ZBTB49: variants seen among roughly 807,000 people sequenced by gnomAD.
ZBTB49 encodes the protein zinc finger and BTB domain-containing protein 49.
A neutral mutation model predicts 57.5 loss-of-function variants in ZBTB49; 43 were observed. The observed-to-expected ratio is 0.75, with a 90% CI of 0.59 to 0.97. ZBTB49 has a LOEUF of 0.97. ZBTB49 is among the 50% of genes least tolerant of loss of function. The pLI is 0.00. For synonymous variants in ZBTB49, 369 were observed against 362.1 expected (o/e 1.02, Z -0.22); for missense variants, 938 against 947.7 (o/e 0.99, Z 0.13).
intron 1 of ZBTB49, among the ~76,000 whole-genome samples, chr4:4,294,872 C>CGTGTGTGTGTGTGTGTGT (rs10626183): frequency 1.2e-4 from 17 of 138,010 alleles, no homozygotes; most frequent in Non-Finnish European, 1.7e-4. Flanking sequence ...AGGAGGGTTT[C>CGTGTGTGTGTGTGTGTGT]GTGTGTGTGT....
In ZBTB49 at chr4:4,290,253, T is replaced by C. The variant is rs1267234723; in HGVS notation, c.-119T>C. 6.6e-6 allele frequency: 1 copy of C among 151,822 alleles called. No homozygotes were observed. Among genetic ancestry groups the C allele is most frequent in the Non-Finnish European group, 1.5e-5 (1 of 68,094 alleles). The allele number at this position is 151,822 out of a possible 1,614,324, so 9.4% of individuals were successfully genotyped here. ...CGGTTCCGGCAAGCCAAGGGGGCGT[T>C]GTCGTGATGATTCCGCGGCCAGCGG... On this transcript the variant is annotated 5_prime_UTR_variant, in exon 1 of 8. Transcript: ENST00000337872.
chr4:4,293,881 A>G (rs1413032770), intron 1 of ZBTB49, among the ~76,000 whole-genome samples: 2 of 152,268 alleles, frequency 1.3e-5, no homozygotes, highest in Non-Finnish European at 2.9e-5. Flanking sequence ...GGCCTGGGAA[A>G]TGAGCACAGC....
At chr4:4,306,523 G>A (rs1364649069) in intron 4 of ZBTB49, among the ~76,000 whole-genome samples, 3 of 152,160 alleles carry the variant, frequency 2.0e-5, no homozygotes, top group Non-Finnish European at 4.4e-5. Context: ...GCTGGGTTAG[G>A]CTGAAGACAA....
In ZBTB49 at chr4:4,302,111, A is replaced by G. The variant is rs1454945610; in HGVS notation, c.275A>G (p.Asp92Gly). The G allele has an allele frequency of 6.2e-7, 1 of 1,614,230 alleles. No homozygotes were observed. The highest frequency in any genetic ancestry group is 1.3e-5 in the African/African-American group (1 of 75,062). ...MYTSHLDLNQDNIQVMLDTAQ... is the reference protein window; with the variant it reads ...MYTSHLDLNQGNIQVMLDTAQ... ...ACTTCTCATCTAGATCTTAACCAGG[A>G]CAATATACAAGTAATGCTGGACACA... The change falls in exon 3 of 8, where the codon GAC becomes GGC. Residue 92 changes from aspartate (D) to glycine (G), a missense_variant. Asp to Gly is a moderately conservative substitution (Grantham distance 94). Coordinates refer to ENST00000337872, the MANE Select transcript of ZBTB49 (RefSeq NM_145291.4).
intron 3 of ZBTB49, among the ~76,000 whole-genome samples, chr4:4,305,135 A>G (rs1195943783): frequency 7.1e-6 from 1 of 140,296 alleles, no homozygotes; most frequent in Non-Finnish European, 1.5e-5. Context: ...TTATTGCAAT[A>G]CAGAATTAAT....
chr4:4,310,944 C>T (rs1720961277), intron 4 of ZBTB49, among the ~76,000 whole-genome samples: 2 of 152,128 alleles, frequency 1.3e-5, no homozygotes, highest in Non-Finnish European at 2.9e-5. Flanking sequence ...GACTAAAGCT[C>T]TAATAATCTG....
intron 4 of ZBTB49, 54 bp from the exon 5 acceptor site, chr4:4,312,987 T>TA (rs1721038251): frequency 1.3e-6 from 2 of 1,589,724 alleles, no homozygotes; most frequent in Non-Finnish European, 1.7e-6. Flanking sequence ...TTATATAATT[T>TA]AAAAAACCAA....
At chr4:4,299,837 A>T in intron 1 of ZBTB49, 90 bp from the exon 2 acceptor site, 1 of 1,178,310 alleles carries the variant, frequency 8.5e-7, no homozygotes, top group Non-Finnish European at 1.2e-6. Flanking sequence ...TGAGAGAGTG[A>T]AGCACAGATC....
At chr4:4,307,827 G>C (rs11722276) in intron 4 of ZBTB49, among the ~76,000 whole-genome samples, 36,654 of 152,106 alleles carry the variant, frequency 0.24, 4,916 homozygotes, top group Admixed American at 0.32. Flanking sequence ...CTACTTCGTG[G>C]AACTAGTGGG....
At position 4,315,655 on chromosome 4, in the gene ZBTB49, G is replaced by A. The variant is rs376112892; in HGVS notation, c.1396G>A (p.Val466Ile). ...TTCTAGGTTTGCAGCCTCTGGCGAC[G>A]TCCAGCGTCACATTATTATTCACTC... is the stretch of plus-strand genomic sequence containing the variant. ...CGKRFAASGDVQRHIIIHSGE... is the reference protein window; with the variant it reads ...CGKRFAASGDIQRHIIIHSGE... The change falls in exon 6 of 8, where the codon GTC becomes ATC. Residue 466 changes from valine to isoleucine, a missense_variant. This residue lies in a region of ZBTB49 where 835 missense variants were observed against 819.1 expected (regional missense o/e 1.02). Coordinates refer to ENST00000337872, the MANE Select transcript of ZBTB49 (RefSeq NM_145291.4). The A allele has an allele frequency of 1.5e-4, 239 of 1,614,022 alleles. No individual in the cohort carries two copies. The highest frequency in any genetic ancestry group is 1.9e-4 in the Non-Finnish European group (222 of 1,180,010).
intron 7 of ZBTB49, among the ~76,000 whole-genome samples, chr4:4,317,934 G>T (rs577304556): frequency 2.6e-5 from 4 of 152,238 alleles, no homozygotes; most frequent in Admixed American, 1.3e-4. Flanking sequence ...GGGAGGCTTC[G>T]TTGGGGTTTC....
At chr4:4,305,168 T>TTAAC in intron 3 of ZBTB49, among the ~76,000 whole-genome samples, 1 of 149,322 alleles carries the variant, frequency 6.7e-6, no homozygotes, top group Non-Finnish European at 1.5e-5. Context: ...TTATTATTAA[T>TTAAC]ATAAATATAA....
At chr4:4,296,647 T>C (rs1720216702) in intron 1 of ZBTB49, among the ~76,000 whole-genome samples, 1 of 152,172 alleles carries the variant, frequency 6.6e-6, no homozygotes, top group South Asian at 2.1e-4. Flanking sequence ...ATCAGCAGCA[T>C]GAAAACGGAC....
chr4:4,319,600 C>T (rs1721325310), intron 7 of ZBTB49, among the ~76,000 whole-genome samples: 1 of 152,336 alleles, frequency 6.6e-6, no homozygotes, highest in South Asian at 2.1e-4. Flanking sequence ...ATGAGCTGAT[C>T]ACTTAAGGCC....
Position 4,321,306 on chromosome 4 carries a change from T to A in ZBTB49, c.2288T>A (p.Leu763Ter), listed in dbSNP as rs779212978. 1 of 1,610,692 alleles carries A rather than the reference T, an allele frequency of 6.2e-7. No homozygotes were observed. The highest frequency in any genetic ancestry group is 8.5e-7 in the Non-Finnish European group (1 of 1,180,002). ...AAGACGCTGCAGAATGAAAACGAGTTAGACCAGTGATGTACCGCGCTTCTC... is the reference window on the plus strand; with the variant it reads ...AAGACGCTGCAGAATGAAAACGAGTAAGACCAGTGATGTACCGCGCTTCTC... Reference protein sequence around the residue: ...AMKTLQNENELDQ With the variant: ...AMKTLQNENE Residue 763 changes from leucine to a stop codon, truncating the protein, a stop_gained, in exon 8 of 8, where the codon TTA becomes TAA. Coordinates refer to ENST00000337872, the MANE Select transcript of ZBTB49 (RefSeq NM_145291.4). LOFTEE classifies it high-confidence loss of function.
chr4:4,298,074 G>C (rs543642301), intron 1 of ZBTB49, among the ~76,000 whole-genome samples: 1 of 152,168 alleles, frequency 6.6e-6, no homozygotes, highest in Non-Finnish European at 1.5e-5. Flanking sequence ...CCTTCCATAT[G>C]CCAGATACTA....
chr4:4,311,060 A>G (rs1720964812), intron 4 of ZBTB49, among the ~76,000 whole-genome samples: 1 of 152,194 alleles, frequency 6.6e-6, no homozygotes, highest in South Asian at 2.1e-4. Flanking sequence ...TATATTATTT[A>G]TCAGAAATAT....
Position 4,297,422 on chromosome 4 carries a change from GA to G in ZBTB49, c.-19-2502del, listed in dbSNP as rs569686600. ...GTCACAGCCATTTTTATGAGTGAGG[GA>G]AAGAGACGTGATGGGAATGAAGACA... On this transcript the variant is annotated intron_variant, in intron 1 of 7. Transcript: ENST00000337872. Among the ~76,000 whole-genome samples the G allele has an allele frequency of 8.6e-4, 131 of 152,272 alleles. No homozygotes were observed. In the Middle Eastern group the frequency reaches 0.02, roughly 24 times the overall value.
intron 1 of ZBTB49, among the ~76,000 whole-genome samples, chr4:4,293,459 C>T (rs1720039019): frequency 6.6e-6 from 1 of 152,232 alleles, no homozygotes; most frequent in Non-Finnish European, 1.5e-5. Flanking sequence ...GCTTTGGTGT[C>T]AGATTCCCTG....
Sources: gnomAD v4.1 joint callset for allele counts (sites outside exome capture counted in the v4.1 genomes callset) on GRCh38, gnomAD v4.1.1 for gene constraint, gnomAD v4.1.1 regional missense constraint, MANE v1.5 for transcripts, NCBI Gene and HGNC (gene_info 2026-07-23, HGNC 2026-07-21) for gene names.